Variants in PPM1L observed in about 807,000 individuals in gnomAD.
The protein encoded by PPM1L is protein phosphatase 1L.
PPM1L carries 13 observed loss-of-function variants against 31.4 expected under a neutral mutation model. The ratio of observed to expected loss-of-function variants is 0.41; its 90% CI spans 0.27 to 0.66. PPM1L has a LOEUF of 0.66. Ranked by LOEUF, PPM1L falls within the 30% of genes least tolerant of loss-of-function variation. The pLI is 0.29. For missense variants in PPM1L, 326 were observed against 453.7 expected (o/e 0.72, Z 2.56); for synonymous variants, 184 against 175.4 (o/e 1.05, Z -0.39).
At chr3:160,800,887 T>C (rs1204326711) in intron 1 of PPM1L, among the ~76,000 whole-genome samples, 1 of 152,146 alleles carries the variant, frequency 6.6e-6, no homozygotes, top group Non-Finnish European at 1.5e-5. Context: ...TTAGGCAACA[T>C]TTAAACACCC....
intron 2 of PPM1L, among the ~76,000 whole-genome samples, chr3:161,057,101 T>G (rs1466978816): frequency 2.6e-5 from 4 of 152,010 alleles, no homozygotes; most frequent in Admixed American, 1.3e-4. Context: ...CTAAGGCATC[T>G]CCCTGGCCCT....
At chr3:161,052,880 C>A (rs369713225) in intron 2 of PPM1L, among the ~76,000 whole-genome samples, 3 of 152,174 alleles carry the variant, frequency 2.0e-5, no homozygotes, top group Non-Finnish European at 4.4e-5. Context: ...GCCTTCTTCT[C>A]CCCTTTTCCT....
intron 1 of PPM1L, among the ~76,000 whole-genome samples, chr3:160,807,882 G>A (rs7633370): frequency 0.053 from 8,021 of 151,678 alleles, 702 homozygotes; most frequent in African/African-American, 0.18. Flanking sequence ...ATTTGGTTTA[G>A]AATTAAGGGA....
In PPM1L at chr3:161,023,140, T is replaced by C. The variant is rs1248103472; in HGVS notation, c.575-42263T>C. Among the ~76,000 whole-genome samples, 4 of 151,022 alleles carry C rather than the reference T, an allele frequency of 2.6e-5. No homozygotes were observed. In the East Asian group the frequency reaches 7.9e-4, roughly 30 times the overall value. On this transcript the variant is annotated intron_variant, in intron 2 of 3. Coordinates refer to ENST00000498165, the MANE Select transcript of PPM1L (RefSeq NM_139245.4). ...TACATTATGAGGGTTTTTTTTTTTT[T>C]CTCTTGCTGCTCTCAAGATTCTCTT...
chr3:160,960,702 C>T (rs1212877139), intron 1 of PPM1L, among the ~76,000 whole-genome samples: 1 of 151,968 alleles, frequency 6.6e-6, no homozygotes, highest in Admixed American at 6.6e-5. Context: ...AGCAGGACTG[C>T]ACTGCAAGGA....
At chr3:160,845,521 A>G (rs1382550686) in intron 1 of PPM1L, among the ~76,000 whole-genome samples, 1 of 151,838 alleles carries the variant, frequency 6.6e-6, no homozygotes, top group African/African-American at 2.4e-5. Context: ...CTATTTATTT[A>G]TTATTATTAT....
At chr3:161,049,429 A>G (rs1719197367) in intron 2 of PPM1L, among the ~76,000 whole-genome samples, 2 of 152,224 alleles carry the variant, frequency 1.3e-5, no homozygotes, top group Admixed American at 1.3e-4. Flanking sequence ...AACCTGCATA[A>G]ACTTTAAAGA....
chr3:160,888,810 T>TAACAGAC (rs1713027422), intron 1 of PPM1L, among the ~76,000 whole-genome samples: 1 of 152,062 alleles, frequency 6.6e-6, no homozygotes, highest in Admixed American at 6.6e-5. Flanking sequence ...ACTGAAATCA[T>TAACAGAC]AACAGACCAC....
intron 2 of PPM1L, among the ~76,000 whole-genome samples, chr3:161,042,295 A>C (rs1718935278): frequency 6.6e-6 from 1 of 152,240 alleles, no homozygotes; most frequent in African/African-American, 2.4e-5. Flanking sequence ...AATGCCTGGC[A>C]TGGCAGAAAG....
intron 1 of PPM1L, among the ~76,000 whole-genome samples, chr3:160,855,726 G>A (rs1305008431): frequency 6.6e-6 from 1 of 152,166 alleles, no homozygotes; most frequent in South Asian, 2.1e-4. Flanking sequence ...TGCTGGCGAG[G>A]TTGTGGAGAA....
chr3:161,030,031 G>A (rs919423339), intron 2 of PPM1L, among the ~76,000 whole-genome samples: 1 of 152,160 alleles, frequency 6.6e-6, no homozygotes, highest in African/African-American at 2.4e-5. Flanking sequence ...TGCAGATACC[G>A]TGGGAGTAGA....
intron 1 of PPM1L, among the ~76,000 whole-genome samples, chr3:160,819,606 C>T (rs1191482891): frequency 6.6e-6 from 1 of 151,948 alleles, no homozygotes. Flanking sequence ...GGGTATCCTA[C>T]AGCAATGAAA....
chr3:160,783,226 C>T (rs1455134693), intron 1 of PPM1L, among the ~76,000 whole-genome samples: 1 of 152,134 alleles, frequency 6.6e-6, no homozygotes, highest in Non-Finnish European at 1.5e-5. Flanking sequence ...GATGATGCTA[C>T]ATCCTGCAGT....
chr3:161,045,757 G>A (rs1018781957), intron 2 of PPM1L, among the ~76,000 whole-genome samples: 7 of 152,060 alleles, frequency 4.6e-5, no homozygotes, highest in African/African-American at 1.4e-4. Context: ...CAGAAGGCAA[G>A]AAATAACTAA....
intron 3 of PPM1L, among the ~76,000 whole-genome samples, chr3:161,067,451 T>TA (rs2108111804): frequency 6.6e-6 from 1 of 152,348 alleles, no homozygotes; most frequent in South Asian, 2.1e-4. Context: ...CTGCTTAGCA[T>TA]GACAGTAAGG....
At chr3:161,013,343 T>C (rs186167097) in intron 2 of PPM1L, among the ~76,000 whole-genome samples, 1 of 152,322 alleles carries the variant, frequency 6.6e-6, no homozygotes, top group Admixed American at 6.5e-5. Context: ...TTTGAGTGAG[T>C]TTCTTAATCC....
At chr3:160,861,149 T>C (rs1711873057) in intron 1 of PPM1L, among the ~76,000 whole-genome samples, 1 of 152,176 alleles carries the variant, frequency 6.6e-6, no homozygotes, top group Admixed American at 6.6e-5. Flanking sequence ...AAAACCTTTA[T>C]TTGCTGACTC....
intron 2 of PPM1L, among the ~76,000 whole-genome samples, chr3:161,004,998 A>G (rs889551959): frequency 2.6e-5 from 4 of 152,136 alleles, no homozygotes; most frequent in Non-Finnish European, 4.4e-5. Flanking sequence ...ATTTCCCTCT[A>G]CACACTGCTT....
At chr3:160,980,453 G>A (rs777089616) in intron 2 of PPM1L, among the ~76,000 whole-genome samples, 2 of 151,876 alleles carry the variant, frequency 1.3e-5, no homozygotes, top group African/African-American at 2.4e-5. Context: ...TAGGACGGGG[G>A]ATTGCTTGAG....
Sources: gnomAD v4.1 joint callset for allele counts (sites outside exome capture counted in the v4.1 genomes callset) on GRCh38, gnomAD v4.1.1 for gene constraint, MANE v1.5 for transcripts, NCBI Gene and HGNC (gene_info 2026-07-23, HGNC 2026-07-21) for gene names.